CDH6: variants seen among roughly 807,000 people sequenced by gnomAD.
The protein encoded by CDH6 is cadherin-6.
CDH6 carries 31 observed loss-of-function variants against 78.0 expected under a neutral mutation model. The ratio of observed to expected loss-of-function variants is 0.40; its 90% CI spans 0.30 to 0.54. The LOEUF is 0.54. Ranked by LOEUF, CDH6 falls within the 20% of genes least tolerant of loss-of-function variation. The probability of loss-of-function intolerance (pLI) is 0.56; values close to 1 mark genes in which losing one functional copy is unlikely to be tolerated. For missense variants in CDH6, 724 were observed against 975.9 expected, an observed-to-expected ratio of 0.74 and a Z score of 3.44; for synonymous variants, 376 against 368.8, an observed-to-expected ratio of 1.02 and a Z score of -0.23.
intron 7 of CDH6, among the ~76,000 whole-genome samples, chr5:31,312,485 G>A (rs1168313379): frequency 6.6e-6 from 1 of 152,292 alleles, no homozygotes; most frequent in African/African-American, 2.4e-5. Context: ...GATCACTTGA[G>A]CTCAGGAGTT....
At chr5:31,292,788 T>A (rs1348323710) in intron 2 of CDH6, among the ~76,000 whole-genome samples, 1 of 148,970 alleles carries the variant, frequency 6.7e-6, no homozygotes, top group Non-Finnish European at 1.5e-5. Context: ...TGTGTATATG[T>A]ATATATATGT....
intron 1 of CDH6, among the ~76,000 whole-genome samples, chr5:31,225,338 G>A (rs1370396207): frequency 1.3e-5 from 2 of 152,174 alleles, no homozygotes; most frequent in African/African-American, 4.8e-5. Context: ...TATTCTTTGG[G>A]CTTGTTGATA....
Position 31,323,421 on chromosome 5 carries a change from A to C in CDH6, c.*113A>C. 4 of 1,237,198 alleles carry C rather than the reference A, an allele frequency of 3.2e-6. No homozygotes were observed. Among genetic ancestry groups the C allele is most frequent in the Non-Finnish European group, 4.5e-6 (4 of 888,842 alleles). The allele number at this position is 1,237,198 out of a possible 1,614,324, so 76.6% of individuals were successfully genotyped here. Reference sequence around the variant, plus strand: ...CTCTGTTCTACCCGTTCCAAAAGCCAATGGCTGCAGTCCGTGTGGATCCAA... The same window carrying C: ...CTCTGTTCTACCCGTTCCAAAAGCCCATGGCTGCAGTCCGTGTGGATCCAA... On this transcript the variant is annotated 3_prime_UTR_variant, in exon 12 of 12. Coordinates refer to ENST00000265071, the MANE Select transcript of CDH6 (RefSeq NM_004932.4).
At position 31,326,469 on chromosome 5, in the gene CDH6, C is replaced by T. The variant is rs80162031; in HGVS notation, c.*3161C>T. ...AAGAAGCAAAGATTATTCCATAGAA[C>T]CACAAGAGAGGGAATGTGGGCACAG... On this transcript the variant is annotated 3_prime_UTR_variant, in exon 12 of 12. Coordinates refer to ENST00000265071, the MANE Select transcript of CDH6 (RefSeq NM_004932.4). The T allele has an allele frequency of 5.0e-6, 1 of 200,256 alleles. No individual in the cohort carries two copies. Among genetic ancestry groups the T allele is most frequent in the African/African-American group, 2.3e-5 (1 of 43,562 alleles). 12.4% of individuals were successfully genotyped at this position (200,256 alleles called of 1,614,324 possible).
intron 1 of CDH6, among the ~76,000 whole-genome samples, chr5:31,247,057 CTT>C (rs1476186560): frequency 1.3e-5 from 2 of 152,166 alleles, no homozygotes; most frequent in Non-Finnish European, 2.9e-5. Context: ...GGCCTAAAGA[CTT>C]TTTTAATTCC....
rs148029850 is a variant in CDH6 at position 31,200,362 on chromosome 5, G to T, written c.-129+6476G>T. 1.0e-3 allele frequency among the ~76,000 whole-genome samples: 153 copies of T among 152,126 alleles called. 2 individuals are homozygous for T. In the Middle Eastern group the frequency reaches 0.02, roughly 20 times the overall value. On this transcript the variant is annotated intron_variant, in intron 1 of 11. Transcript: ENST00000265071. ...CTCAACCTCACAGCACCCACTAAGG[G>T]CATCAGTCCATTCTCAGCTCGTTGA... is the stretch of plus-strand genomic sequence containing the variant.
At chr5:31,291,099 C>G (rs1445252056) in intron 2 of CDH6, among the ~76,000 whole-genome samples, 1 of 152,154 alleles carries the variant, frequency 6.6e-6, no homozygotes, top group African/African-American at 2.4e-5. Flanking sequence ...CAATTACATA[C>G]TGAAACCGAT....
chr5:31,200,210 G>T (rs1740312323), intron 1 of CDH6, among the ~76,000 whole-genome samples: 1 of 152,138 alleles, frequency 6.6e-6, no homozygotes, highest in South Asian at 2.1e-4. Flanking sequence ...TGAACATAAT[G>T]ATGGTACTTT....
intron 2 of CDH6, among the ~76,000 whole-genome samples, chr5:31,274,909 C>T (rs1275740648): frequency 6.6e-6 from 1 of 152,198 alleles, no homozygotes; most frequent in Non-Finnish European, 1.5e-5. Flanking sequence ...CTGTTACTTC[C>T]ACACTCCAAC....
Position 31,216,090 on chromosome 5 carries a change from A to G in CDH6, c.-129+22204A>G, listed in dbSNP as rs529352052. Among the ~76,000 whole-genome samples the G allele has an allele frequency of 2.1e-4, 32 of 152,142 alleles. No homozygotes were observed. In the South Asian group the frequency reaches 5.8e-3, roughly 28 times the overall value. ...GTCTATTATATTATTTAGATCATGC[A>G]TTTATGTACACATTCAATGAAGTTT... On this transcript the variant is annotated intron_variant, in intron 1 of 11. Coordinates refer to ENST00000265071, the MANE Select transcript of CDH6 (RefSeq NM_004932.4).
intron 1 of CDH6, among the ~76,000 whole-genome samples, chr5:31,196,201 T>G (rs1415543466): frequency 6.6e-6 from 1 of 152,232 alleles, no homozygotes; most frequent in African/African-American, 2.4e-5. Context: ...AGTGAGGCAC[T>G]CTTCCTTTTT....
At chr5:31,211,934 C>T (rs920159803) in intron 1 of CDH6, among the ~76,000 whole-genome samples, 2 of 152,090 alleles carry the variant, frequency 1.3e-5, no homozygotes, top group African/African-American at 4.8e-5. Flanking sequence ...GGAACCATAA[C>T]CATAAAAGCT....
intron 7 of CDH6, among the ~76,000 whole-genome samples, chr5:31,310,757 G>A (rs994854346): frequency 6.6e-6 from 1 of 152,206 alleles, no homozygotes; most frequent in African/African-American, 2.4e-5. Flanking sequence ...TGCACCCTCT[G>A]AAGCCACAGC....
At chr5:31,298,965 T>C (rs1203737197) in intron 4 of CDH6, among the ~76,000 whole-genome samples, 2 of 152,198 alleles carry the variant, frequency 1.3e-5, no homozygotes, top group Non-Finnish European at 2.9e-5. Context: ...GAGCATTCGT[T>C]ATGGTAGGTG....
At chr5:31,292,909 T>G (rs533678940) in intron 2 of CDH6, among the ~76,000 whole-genome samples, 25 of 148,862 alleles carry the variant, frequency 1.7e-4, no homozygotes, top group Non-Finnish European at 3.7e-4. Flanking sequence ...TATAGACCTA[T>G]AGTTAGGTCT....
Position 31,254,283 on chromosome 5 carries a change from G to C in CDH6, c.-128-13063G>C, listed in dbSNP as rs10055467. On this transcript the variant is annotated intron_variant, in intron 1 of 11. Transcript: ENST00000265071. ...ATACCAGCCATTTGGAAATGCCAAA[G>C]ATAAGTTGTAAAGTGCTTCCTTTAA... 9.1e-3 allele frequency among the ~76,000 whole-genome samples: 1,393 copies of C among 152,268 alleles called. 22 individuals carry two copies. Among genetic ancestry groups the C allele is most frequent in the African/African-American group, 0.032 (1,314 of 41,556 alleles).
intron 1 of CDH6, among the ~76,000 whole-genome samples, chr5:31,252,474 G>T (rs774770473): frequency 9.9e-5 from 15 of 152,070 alleles, no homozygotes; most frequent in Non-Finnish European, 1.9e-4. Context: ...CAATAATTTG[G>T]ATGCTCCAAA....
intron 6 of CDH6, among the ~76,000 whole-genome samples, chr5:31,302,798 G>GAGAA (rs1180539177): frequency 7.4e-4 from 27 of 36,522 alleles, no homozygotes; most frequent in South Asian, 2.4e-3. Flanking sequence ...GAGAGAGAGA[G>GAGAA]AGAAAGAAAG....
intron 3 of CDH6, among the ~76,000 whole-genome samples, chr5:31,295,961 T>G (rs33991743): frequency 0.29 from 44,753 of 152,008 alleles, 7,224 homozygotes; most frequent in Admixed American, 0.37. Flanking sequence ...CTTGAGTGTT[T>G]GTTGACTTGA....
Sources: gnomAD v4.1 joint callset for allele counts (sites outside exome capture counted in the v4.1 genomes callset) on GRCh38, gnomAD v4.1.1 for gene constraint, MANE v1.5 for transcripts, NCBI Gene and HGNC (gene_info 2026-07-23, HGNC 2026-07-21) for gene names.